The following PARP1 variants were observed in gnomAD, a reference collection of about 807,000 sequenced individuals.
PARP1 encodes the protein poly(ADP-ribose) polymerase 1.
Under a neutral mutation model 118.7 loss-of-function variants are expected in PARP1, and 44 were observed. The observed-to-expected ratio is 0.37, with a 90% CI of 0.29 to 0.48. The LOEUF (loss-of-function observed/expected upper bound fraction) is 0.48. PARP1 is among the 20% of genes least tolerant of loss of function. The probability of loss-of-function intolerance (pLI) is 0.99; values close to 1 mark genes in which losing one functional copy is unlikely to be tolerated. For synonymous variants in PARP1, 492 were observed against 483.2 expected, an observed-to-expected ratio of 1.02 and a Z score of -0.24; for missense variants, 1,100 against 1,272.4, an observed-to-expected ratio of 0.86 and a Z score of 2.06.
chr1:226,402,612 A>G (rs1665060384), intron 1 of PARP1, among the ~76,000 whole-genome samples: 1 of 152,204 alleles, frequency 6.6e-6, no homozygotes, highest in Admixed American at 6.5e-5. Context: ...ACTGTTCTTG[A>G]GCTCATTCTC....
At chr1:226,368,834 C>T (rs562800083) in intron 15 of PARP1, among the ~76,000 whole-genome samples, 1 of 152,318 alleles carries the variant, frequency 6.6e-6, no homozygotes, top group African/African-American at 2.4e-5. Context: ...GCTAAGCAAT[C>T]CTTACACTCA....
Position 226,365,083 on chromosome 1 carries a change from C to T in PARP1, c.2577G>A (p.Leu859=), listed in dbSNP as rs772945227. ...KPFKQLHNRR[L]LWHGSRTTNF... is the part of the protein sequence containing the mutation. ...TGGTGGTCCTGGACCCGTGCCACAG[C>T]AATCTTCGGTTATGAAGCTGCTTAA... Residue 859 remains leucine, a synonymous_variant, in exon 19 of 23, where the codon TTG becomes TTA. Coordinates refer to ENST00000366794, the MANE Select transcript of PARP1 (RefSeq NM_001618.4). The T allele has an allele frequency of 1.9e-6, 3 of 1,614,136 alleles. No homozygotes were observed. In the African/African-American group the frequency reaches 4.0e-5, roughly 22 times the overall value.
rs957785656 is a variant in PARP1, at chr1:226,360,814, C to T, written c.*646G>A. On this transcript the variant is annotated 3_prime_UTR_variant, in exon 23 of 23. Coordinates refer to ENST00000366794, the MANE Select transcript of PARP1 (RefSeq NM_001618.4). ...AGAAAGTCAAGAATTTCAAATGCAA[C>T]TTTTAATACTACATATTTCAAGAGC... is the stretch of plus-strand genomic sequence containing the variant. The T allele has an allele frequency of 1.3e-5, 3 of 228,082 alleles. No homozygotes were observed. The highest frequency in any genetic ancestry group is 6.7e-5 in the African/African-American group (3 of 45,062). 14.1% of individuals were successfully genotyped at this position (228,082 alleles called of 1,614,324 possible). A position where few individuals can be genotyped will look rare whatever the true frequency, so the allele number is the denominator to read the frequency against.
intron 2 of PARP1, among the ~76,000 whole-genome samples, chr1:226,399,073 CTTTT>C (rs34094559): frequency 8.3e-4 from 105 of 125,784 alleles, no homozygotes; most frequent in Admixed American, 5.8e-3. Context: ...ATGGAGGAAT[CTTTT>C]TTTTTTTTTT....
intron 17 of PARP1, chr1:226,367,181 A>C (rs967275461): frequency 9.2e-6 from 4 of 436,288 alleles, no homozygotes; most frequent in Non-Finnish European, 1.7e-5. Context: ...CAAACAAACA[A>C]ACAAACAAAA....
chr1:226,379,171 C>T lies in PARP1; in HGVS notation c.1716G>A (p.Leu572=), dbSNP rs2102734696. ...TTTCCTTGTCGTCCTCCAGAAGCTG[C>T]AGCTTGTAGTAGGAGTTGGTTCCTT... is the stretch of plus-strand genomic sequence containing the variant. The part of the protein sequence containing the change: ...IVKGTNSYYK[L]QLLEDDKENR... Residue 572 remains leucine (L), a synonymous_variant, in exon 12 of 23, where the codon CTG becomes CTA. Transcript: ENST00000366794. 1 of 1,614,224 alleles carries T rather than the reference C, an allele frequency of 6.2e-7. No homozygotes were observed. Among genetic ancestry groups the T allele is most frequent in the South Asian group, 1.1e-5 (1 of 91,086 alleles).
chr1:226,392,111 C>G, intron 3 of PARP1, 88 bp downstream of exon 3: 1 of 908,294 alleles, frequency 1.1e-6, no homozygotes, highest in Non-Finnish European at 1.9e-6. Context: ...ACCCTAAAGC[C>G]CCCATTTCTT....
Position 226,361,817 on chromosome 1 carries a change from G to A in PARP1, c.2963+152C>T, listed in dbSNP as rs1258918044. 17 of 703,310 alleles carry A rather than the reference G, an allele frequency of 2.4e-5. No individual in the cohort carries two copies. The East Asian group carries it at 2.7e-4, about 11-fold the overall frequency. The allele number at this position is 703,310 out of a possible 1,614,324, so 43.6% of individuals were successfully genotyped here. A position where few individuals can be genotyped will look rare whatever the true frequency, so the allele number is the denominator to read the frequency against. On this transcript the variant is annotated intron_variant, in intron 22 of 22. Coordinates refer to ENST00000366794, the MANE Select transcript of PARP1 (RefSeq NM_001618.4). Reference sequence around the variant, plus strand: ...ACCCTGTAAGCCAGGCTATGCACAGGGAGGGACCACAGAAGGGAAACAGTC... The same window carrying A: ...ACCCTGTAAGCCAGGCTATGCACAGAGAGGGACCACAGAAGGGAAACAGTC...
Position 226,406,716 on chromosome 1 carries a change from C to T in PARP1, c.120+1094G>A, listed in dbSNP as rs533469084. On this transcript the variant is annotated intron_variant, in intron 1 of 22. Transcript: ENST00000366794. ...TTAAAAAATGCCTACCAAATAAGCA[C>T]TGTGTGCCACGTACTGACTTAGGTA... Among the ~76,000 whole-genome samples, 190 of 152,320 alleles carry T rather than the reference C, an allele frequency of 1.2e-3. 1 individual carries two copies. Among genetic ancestry groups the T allele is most frequent in the African/African-American group, 4.4e-3 (183 of 41,566 alleles).
rs1664128105 is a variant in PARP1 at position 226,361,191 on chromosome 1, T to TC, written c.*268dup. On this transcript the variant is annotated 3_prime_UTR_variant, in exon 23 of 23. Transcript: ENST00000366794. ...GGACTAGTCTATGCAACAGAATCTC[T>TC]CTCCAGCCTTTTCTCTATGTCAGTT... The TC allele has an allele frequency of 1.8e-6, 1 of 541,870 alleles. No homozygotes were observed. Among genetic ancestry groups the TC allele is most frequent in the Admixed American group, 3.1e-5 (1 of 32,232 alleles). 33.6% of individuals were successfully genotyped at this position (541,870 alleles called of 1,614,324 possible). A position where few individuals can be genotyped will look rare whatever the true frequency, so the allele number is the denominator to read the frequency against.
chr1:226,401,905 G>C (rs1211329928), intron 2 of PARP1: 42 of 1,239,380 alleles, frequency 3.4e-5, no homozygotes, highest in Middle Eastern at 2.8e-4. Flanking sequence ...GTGGTGGGAG[G>C]GGGAGGGGGT....
At chr1:226,404,967 C>T (rs1327547032) in intron 1 of PARP1, among the ~76,000 whole-genome samples, 2 of 152,160 alleles carry the variant, frequency 1.3e-5, no homozygotes, top group African/African-American at 2.4e-5. Context: ...AAAGGTCTAC[C>T]GCCATCCTCC....
In PARP1 at chr1:226,390,449, T is replaced by C. The variant is rs1306484934; in HGVS notation, c.578A>G (p.Glu193Gly). The change falls in exon 4 of 23, where the codon GAA becomes GGA. Residue 193 changes from glutamate (E) to glycine (G), a missense_variant. This residue lies in a region of PARP1 where 948 missense variants were observed against 1,031.8 expected (regional missense o/e 0.92). Transcript: ENST00000366794. ...TCCTGGGAGCTGCTTCTTCAGGGCTTCTTTATCCTCTGTAGCAAGGAGGCT... is the reference window on the plus strand; with the variant it reads ...TCCTGGGAGCTGCTTCTTCAGGGCTCCTTTATCCTCTGTAGCAAGGAGGCT... Reference protein sequence around the residue: ...GFSLLATEDKEALKKQLPGVK... With the variant: ...GFSLLATEDKGALKKQLPGVK... 1 of 1,614,126 alleles carries C rather than the reference T, an allele frequency of 6.2e-7. No individual in the cohort carries two copies.
At chr1:226,401,614 G>A (rs1337589268) in intron 2 of PARP1, among the ~76,000 whole-genome samples, 6 of 152,262 alleles carry the variant, frequency 3.9e-5, no homozygotes, top group South Asian at 2.1e-4. Flanking sequence ...GTTAGTCCTC[G>A]GTTTGGTTTG....
In PARP1 at chr1:226,390,654, G is replaced by A. The variant is rs1465158753; in HGVS notation, c.403-30C>T. The stretch of plus-strand genomic sequence containing the variant: ...AGGAAAAACCATATGTGGTACCAAG[G>A]GAGCGACAAGCAAGGATAGTGAACA... On this transcript the variant is annotated intron_variant, in intron 3 of 22. Transcript: ENST00000366794. 9 of 1,597,236 alleles carry A rather than the reference G, an allele frequency of 5.6e-6. No individual in the cohort carries two copies. In the East Asian group the frequency reaches 1.3e-4, roughly 24 times the overall value.
intron 12 of PARP1, among the ~76,000 whole-genome samples, chr1:226,378,293 G>A (rs1359762243): frequency 6.6e-6 from 1 of 151,570 alleles, no homozygotes; most frequent in African/African-American, 2.4e-5. Context: ...GAACTCACTA[G>A]ATAAGGACCA....
intron 14 of PARP1, chr1:226,371,084 G>C (rs1387272192): frequency 6.4e-6 from 1 of 156,130 alleles, no homozygotes; most frequent in Non-Finnish European, 1.4e-5. Context: ...CATATCTTGG[G>C]AACTGCCTGC....
chr1:226,377,467 C>G (rs935801027), intron 12 of PARP1, among the ~76,000 whole-genome samples, 164 bp from the exon 13 acceptor site: 4 of 152,136 alleles, frequency 2.6e-5, no homozygotes, highest in African/African-American at 9.7e-5. Flanking sequence ...AATAAAGGGT[C>G]TTTATTTTAC....
intron 7 of PARP1, among the ~76,000 whole-genome samples, chr1:226,384,197 T>C (rs575180046): frequency 2.0e-5 from 3 of 152,256 alleles, no homozygotes; most frequent in African/African-American, 7.2e-5. Context: ...GCATGTGGGG[T>C]GCCCTGGCTA....
Sources: allele counts gnomAD v4.1 joint callset (sites outside exome capture counted in the v4.1 genomes callset), GRCh38; gene constraint gnomAD v4.1.1; regional missense constraint gnomAD v4.1.1; transcripts MANE v1.5; gene names NCBI Gene and HGNC (gene_info 2026-07-23, HGNC 2026-07-21).